PDE10A: variants seen among roughly 807,000 people sequenced by gnomAD.
PDE10A encodes cAMP and cAMP-inhibited cGMP 3',5'-cyclic phosphodiesterase 10A.
A neutral mutation model predicts 97.7 loss-of-function variants in PDE10A; 39 were observed. The ratio of observed to expected loss-of-function variants is 0.40; its 90% CI spans 0.31 to 0.52. The LOEUF (loss-of-function observed/expected upper bound fraction) is 0.52, where lower values mean the gene tolerates loss of function less well. Ranked by LOEUF, PDE10A falls within the 20% of genes least tolerant of loss-of-function variation. The pLI is 0.56. For synonymous variants in PDE10A, 371 were observed against 376.8 expected (o/e 0.98, Z 0.18); for missense variants, 731 against 1,047.8 (o/e 0.70, Z 4.17).
chr6:165,955,216 C>T (rs556624320), intron 1 of PDE10A, among the ~76,000 whole-genome samples: 28 of 152,266 alleles, frequency 1.8e-4, no homozygotes, highest in Admixed American at 1.5e-3. Flanking sequence ...AGGTCGTGCT[C>T]GGTGTATAGG....
intron 1 of PDE10A, among the ~76,000 whole-genome samples, chr6:165,621,756 T>TAAAAAAA (rs200573248): frequency 1.8e-5 from 2 of 114,138 alleles, no homozygotes; most frequent in African/African-American, 7.8e-5. Context: ...GACTCTTATC[T>TAAAAAAA]AAAAAAGAAA....
At chr6:165,824,291 T>C (rs999359876) in intron 1 of PDE10A, among the ~76,000 whole-genome samples, 1 of 152,208 alleles carries the variant, frequency 6.6e-6, no homozygotes. Flanking sequence ...ACATTTAAAT[T>C]TGATAAAGAA....
intron 1 of PDE10A, among the ~76,000 whole-genome samples, chr6:165,858,995 T>C (rs576612465): frequency 6.6e-6 from 1 of 152,342 alleles, no homozygotes; most frequent in South Asian, 2.1e-4. Context: ...TTGTTCAAGG[T>C]AGTTCTGTTC....
At chr6:165,461,491 G>A (rs570621540) in intron 3 of PDE10A, among the ~76,000 whole-genome samples, 3 of 152,238 alleles carry the variant, frequency 2.0e-5, no homozygotes, top group South Asian at 4.1e-4. Flanking sequence ...TGTAATTGAG[G>A]TATTGACTGC....
At chr6:165,903,531 G>A (rs1217665974) in intron 1 of PDE10A, among the ~76,000 whole-genome samples, 2 of 152,138 alleles carry the variant, frequency 1.3e-5, no homozygotes, top group Non-Finnish European at 2.9e-5. Flanking sequence ...ATTGGAGGAA[G>A]GCAAATAAGA....
chr6:165,884,228 G>C (rs1313961937), intron 1 of PDE10A, among the ~76,000 whole-genome samples: 1 of 152,196 alleles, frequency 6.6e-6, no homozygotes, highest in African/African-American at 2.4e-5. Flanking sequence ...AGACTGCAAA[G>C]GCAAGGGTGG....
chr6:165,843,820 T>C (rs530583168), intron 1 of PDE10A, among the ~76,000 whole-genome samples: 1 of 152,208 alleles, frequency 6.6e-6, no homozygotes, highest in Non-Finnish European at 1.5e-5. Context: ...GGCAGGGCAG[T>C]CACTGAAGGT....
rs34189554 is a variant in PDE10A at position 165,691,099 on chromosome 6, T to TCTCTC, written c.-614-147532_-614-147531insGAGAG. ...TTTCTCTCTCTCTCTCTCTCTCTCT[T>TCTCTC]TCTCTCTCCCCCCCCCCATCAGTGC... On this transcript the variant is annotated intron_variant, in intron 1 of 19. Coordinates refer to the PDE10A transcript ENST00000366882. Among the ~76,000 whole-genome samples, 149 of 53,278 alleles carry TCTCTC rather than the reference T, an allele frequency of 2.8e-3. 22 individuals carry two copies. Among genetic ancestry groups the TCTCTC allele is most frequent in the East Asian group, 8.5e-3 (13 of 1,536 alleles). 35.0% of individuals were successfully genotyped at this position (53,278 alleles called of 152,430 possible).
rs1309552126 is a variant in PDE10A, at chr6:165,418,827, C to G, written c.1654-50G>C. 6.7e-7 allele frequency: 1 copy of G among 1,498,816 alleles called. No homozygotes were observed. Among genetic ancestry groups the G allele is most frequent in the South Asian group, 1.1e-5 (1 of 87,182 alleles). The allele number at this position is 1,498,816 out of a possible 1,614,324, so 92.8% of individuals were successfully genotyped here. A position where few individuals can be genotyped will look rare whatever the true frequency, so the allele number is the denominator to read the frequency against. On this transcript the variant is annotated intron_variant, in intron 10 of 21. Coordinates refer to ENST00000539869, the MANE Select transcript of PDE10A (RefSeq NM_001385079.1). The surrounding 1 kb of genome is among the most constrained non-coding windows in gnomAD (Gnocchi z 4.8). Reference sequence around the variant, plus strand: ...GGAAGACAATGAGACATTCAAAGAACTTGCAGGTAAACTTTATCATAAAAT... The same window carrying G: ...GGAAGACAATGAGACATTCAAAGAAGTTGCAGGTAAACTTTATCATAAAAT...
At chr6:165,593,607 T>C (rs1786413085) in intron 1 of PDE10A, among the ~76,000 whole-genome samples, 1 of 152,210 alleles carries the variant, frequency 6.6e-6, no homozygotes, top group Non-Finnish European at 1.5e-5. Flanking sequence ...CAGCAAAATC[T>C]ATACCTAATA....
rs55830575 is a variant in PDE10A, at chr6:165,693,528, C to CAAAAAAA, written c.-614-149967_-614-149961dup. 2.6e-4 allele frequency among the ~76,000 whole-genome samples: 15 copies of CAAAAAAA among 56,728 alleles called. 1 individual carries two copies. Among genetic ancestry groups the CAAAAAAA allele is most frequent in the East Asian group, 9.2e-4 (2 of 2,176 alleles). 37.2% of individuals were successfully genotyped at this position (56,728 alleles called of 152,430 possible). On this transcript the variant is annotated intron_variant, in intron 1 of 19. Transcript: ENST00000366882. ...CTTGGGCGGCAGAGGGAGGCTCCAC[C>CAAAAAAA]AAAAAAAAAAAAAAAAAAAAAAAAC...
intron 1 of PDE10A, among the ~76,000 whole-genome samples, chr6:165,794,191 C>T (rs746123718): frequency 1.3e-5 from 2 of 151,182 alleles, no homozygotes; most frequent in Non-Finnish European, 3.0e-5. Flanking sequence ...CACACTCACG[C>T]ACTCACGCTC....
chr6:165,451,499 C>A (rs750942440), intron 3 of PDE10A, among the ~76,000 whole-genome samples: 1 of 152,212 alleles, frequency 6.6e-6, no homozygotes, highest in Non-Finnish European at 1.5e-5. Context: ...CGCACAGTAA[C>A]ACACCATGTG....
intron 1 of PDE10A, among the ~76,000 whole-genome samples, chr6:165,810,972 T>G (rs943230549): frequency 1.3e-4 from 20 of 152,158 alleles, no homozygotes; most frequent in African/African-American, 4.3e-4. Flanking sequence ...ACACCTGTAA[T>G]CCCAGCACTT....
intron 1 of PDE10A, among the ~76,000 whole-genome samples, chr6:165,812,851 A>G (rs1288551743): frequency 6.6e-6 from 1 of 152,110 alleles, no homozygotes; most frequent in Middle Eastern, 3.2e-3. Flanking sequence ...AGCTTAAGTA[A>G]CTTCTCTCCT....
At chr6:165,503,430 G>A (rs1481617847) in intron 2 of PDE10A, among the ~76,000 whole-genome samples, 1 of 152,194 alleles carries the variant, frequency 6.6e-6, no homozygotes, top group Non-Finnish European at 1.5e-5. Flanking sequence ...CTGGCAATAG[G>A]GAGTTTTAAC....
chr6:165,736,176 G>A (rs1042239324), intron 1 of PDE10A, among the ~76,000 whole-genome samples: 7 of 150,410 alleles, frequency 4.7e-5, no homozygotes, highest in Non-Finnish European at 9.0e-5. Flanking sequence ...AAAAGTAACG[G>A]CTGCAAACAT....
chr6:165,365,268 G>A (rs1364542346), intron 18 of PDE10A, among the ~76,000 whole-genome samples: 1 of 152,114 alleles, frequency 6.6e-6, no homozygotes, highest in African/African-American at 2.4e-5. Context: ...CATTTTTTAT[G>A]AAGTTTTAAA....
rs140067490 is a variant in PDE10A at position 165,438,211 on chromosome 6, G to A, written c.1195-2834C>T. On this transcript the variant is annotated intron_variant, in intron 5 of 21. Transcript: ENST00000539869. ...TTAATTTTTAATTTTTTTTTGAGAC[G>A]GAGTTTCACTCTTGTTGCCCAGGCT... Among the ~76,000 whole-genome samples the A allele has an allele frequency of 2.3e-3, 344 of 151,376 alleles. 1 individual carries two copies. The Middle Eastern group carries it at 0.024, about 10-fold the overall frequency.
Sources: allele counts gnomAD v4.1 joint callset (sites outside exome capture counted in the v4.1 genomes callset), GRCh38; gene constraint gnomAD v4.1.1; non-coding constraint Gnocchi (gnomAD v3.1); transcripts MANE v1.5; gene names NCBI Gene and HGNC (gene_info 2026-07-23, HGNC 2026-07-21).